Variants in WWOX observed in about 807,000 individuals in gnomAD.
The protein encoded by WWOX is WW domain-containing oxidoreductase.
WWOX carries 69 observed loss-of-function variants against 46.2 expected under a neutral mutation model. The ratio of observed to expected loss-of-function variants is 1.49; its 90% CI spans 1.23 to 1.82. The LOEUF (loss-of-function observed/expected upper bound fraction) is 1.82. Among genes scored for constraint, WWOX ranks in the 40% most tolerant of loss-of-function variants. The pLI, the probability that WWOX is intolerant of heterozygous loss-of-function variation, is 0.00. For synonymous variants in WWOX, 359 were observed against 202.6 expected (o/e 1.77, Z -6.56); for missense variants, 919 against 542.6 (o/e 1.69, Z -6.89).
At chr16:78,819,365 G>T (rs1405064150) in intron 8 of WWOX, among the ~76,000 whole-genome samples, 4 of 152,314 alleles carry the variant, frequency 2.6e-5, no homozygotes, top group Non-Finnish European at 5.9e-5. Context: ...CTTTCCATGA[G>T]CTGTGTCCGC....
chr16:78,726,129 C>T (rs1023256673), intron 8 of WWOX, among the ~76,000 whole-genome samples: 1 of 146,746 alleles, frequency 6.8e-6, no homozygotes, highest in Non-Finnish European at 1.5e-5. Flanking sequence ...CCCTCTCTCC[C>T]TCTCTCTTTT....
At chr16:79,126,347 C>T (rs887309916) in intron 8 of WWOX, among the ~76,000 whole-genome samples, 1 of 152,130 alleles carries the variant, frequency 6.6e-6, no homozygotes, top group Non-Finnish European at 1.5e-5. Context: ...ACTCAAATGT[C>T]ATCTCGAATT....
intron 8 of WWOX, among the ~76,000 whole-genome samples, chr16:79,120,851 C>T (rs999382108): frequency 2.0e-5 from 3 of 152,238 alleles, no homozygotes; most frequent in South Asian, 2.1e-4. Context: ...TCACTGCATC[C>T]TCCATCTCCC....
At chr16:78,266,508 G>A (rs1212578053) in intron 5 of WWOX, among the ~76,000 whole-genome samples, 1 of 152,084 alleles carries the variant, frequency 6.6e-6, no homozygotes, top group African/African-American at 2.4e-5. Flanking sequence ...CTTCTTATTT[G>A]TCCCTTCCCT....
At chr16:79,068,493 C>T (rs2048483445) in intron 8 of WWOX, among the ~76,000 whole-genome samples, 2 of 151,986 alleles carry the variant, frequency 1.3e-5, no homozygotes, top group Admixed American at 1.3e-4. Context: ...GAAAGCACTG[C>T]ACGTGTAGGA....
intron 5 of WWOX, among the ~76,000 whole-genome samples, chr16:78,210,594 GAC>G (rs1212980465): frequency 8.5e-5 from 13 of 152,122 alleles, no homozygotes. Flanking sequence ...GAGGGCTAAT[GAC>G]ACACTGCTTA....
At chr16:78,565,185 C>T (rs770988247) in intron 8 of WWOX, among the ~76,000 whole-genome samples, 39 of 152,344 alleles carry the variant, frequency 2.6e-4, no homozygotes, top group Non-Finnish European at 5.0e-4. Context: ...AACTCCATCA[C>T]TGTGTTTCTT....
intron 5 of WWOX, 21 bp downstream of exon 5, chr16:78,164,310 G>GA: frequency 6.3e-6 from 10 of 1,598,736 alleles, no homozygotes; most frequent in Non-Finnish European, 7.7e-6. Context: ...GACTGTTGTT[G>GA]TTTTTTTTAA....
chr16:79,096,990 A>G (rs1034773764), intron 8 of WWOX, among the ~76,000 whole-genome samples: 1 of 152,044 alleles, frequency 6.6e-6, no homozygotes, highest in Non-Finnish European at 1.5e-5. Flanking sequence ...GCATGCTGTC[A>G]TTCGTGGGTT....
intron 8 of WWOX, among the ~76,000 whole-genome samples, chr16:79,152,766 A>G (rs1175937546): frequency 6.6e-6 from 1 of 152,076 alleles, no homozygotes; most frequent in Non-Finnish European, 1.5e-5. Context: ...TCAGGGAATT[A>G]TTCTGCAGTG....
intron 5 of WWOX, among the ~76,000 whole-genome samples, chr16:78,232,702 A>G (rs1373230511): frequency 6.6e-6 from 1 of 152,200 alleles, no homozygotes; most frequent in African/African-American, 2.4e-5. Flanking sequence ...TTCCTAATGG[A>G]GGCCCTTTTG....
At chr16:78,492,136 C>CTGGAAGATGAG (rs2084799005) in intron 8 of WWOX, among the ~76,000 whole-genome samples, 1 of 152,150 alleles carries the variant, frequency 6.6e-6, no homozygotes, top group East Asian at 1.9e-4. Flanking sequence ...AATGAGCAAC[C>CTGGAAGATGAG]TGGAAGATGA....
intron 8 of WWOX, among the ~76,000 whole-genome samples, chr16:79,137,313 G>A (rs909439012): frequency 6.6e-6 from 1 of 152,196 alleles, no homozygotes; most frequent in African/African-American, 2.4e-5. Flanking sequence ...TGAGGAGCTT[G>A]ACAATCTTGG....
At chr16:78,561,395 G>T (rs998514526) in intron 8 of WWOX, among the ~76,000 whole-genome samples, 5 of 152,100 alleles carry the variant, frequency 3.3e-5, no homozygotes, top group Admixed American at 3.3e-4. Context: ...GGATTTCAAG[G>T]GCTCACGTGA....
At chr16:78,713,989 C>T (rs551759797) in intron 8 of WWOX, among the ~76,000 whole-genome samples, 117 of 152,234 alleles carry the variant, frequency 7.7e-4, no homozygotes, top group Non-Finnish European at 1.5e-3. Flanking sequence ...TGTGTGTACT[C>T]TAGTTCTCTT....
At chr16:78,278,826 CA>C in intron 5 of WWOX, 2 of 666,586 alleles carry the variant, frequency 3.0e-6, no homozygotes, top group Non-Finnish European at 5.0e-6. Context: ...TATCAGTTTG[CA>C]GTTATGCTTT....
chr16:78,503,710 G>C (rs992650221), intron 8 of WWOX: 1 of 152,174 alleles, frequency 6.6e-6, no homozygotes, highest in East Asian at 1.9e-4. Flanking sequence ...TGGTTTGACT[G>C]TCCAGTTAAA....
chr16:79,145,876 A>G (rs1347188311), intron 8 of WWOX, among the ~76,000 whole-genome samples: 2 of 152,220 alleles, frequency 1.3e-5, no homozygotes, highest in Non-Finnish European at 2.9e-5. Flanking sequence ...GAATAAATGT[A>G]TAAGAGTGAT....
At chr16:78,869,378 A>C (rs1307277403) in intron 8 of WWOX, among the ~76,000 whole-genome samples, 2 of 152,126 alleles carry the variant, frequency 1.3e-5, no homozygotes, top group African/African-American at 2.4e-5. Context: ...TGTTTTTCCT[A>C]CTCAAAATGG....
Sources: allele counts gnomAD v4.1 joint callset (sites outside exome capture counted in the v4.1 genomes callset), GRCh38; gene constraint gnomAD v4.1.1; transcripts MANE v1.5; gene names NCBI Gene and HGNC (gene_info 2026-07-23, HGNC 2026-07-21).